The following LONP2 variants were observed in gnomAD, a reference collection of about 807,000 sequenced individuals.
LONP2 encodes lon peptidase 2, peroxisomal, also known as lon protease homolog 2, peroxisomal.
LONP2 carries 60 observed loss-of-function variants against 85.6 expected under a neutral mutation model. That is an observed-to-expected ratio of 0.70 (90% confidence interval 0.57 to 0.87). LONP2 has a LOEUF of 0.87. LONP2 is among the 40% of genes least tolerant of loss of function. The pLI, the probability that LONP2 is intolerant of heterozygous loss-of-function variation, is 0.00. For synonymous variants in LONP2, 395 were observed against 389.7 expected (o/e 1.01, Z -0.16); for missense variants, 860 against 1,063.5 (o/e 0.81, Z 2.66).
At chr16:48,289,561 T>C (rs2150990633) in intron 8 of LONP2, among the ~76,000 whole-genome samples, 1 of 152,334 alleles carries the variant, frequency 6.6e-6, no homozygotes, top group East Asian at 1.9e-4. Flanking sequence ...AGTCTGGTGA[T>C]TTTGGGGGCC....
chr16:48,277,259 C>A, intron 7 of LONP2, 79 bp from the exon 8 acceptor site: 1 of 1,396,202 alleles, frequency 7.2e-7, no homozygotes, highest in Non-Finnish European at 9.9e-7. Context: ...TTTTCACATT[C>A]CTAAGTTTTG....
chr16:48,256,509 A>T, intron 2 of LONP2, 101 bp from the exon 3 acceptor site: 1 of 1,265,346 alleles, frequency 7.9e-7, no homozygotes, highest in Non-Finnish European at 1.1e-6. Context: ...TTCAAAAACA[A>T]AGACTGAGGC....
At chr16:48,299,089 G>A (rs753658490) in intron 9 of LONP2, among the ~76,000 whole-genome samples, 5 of 151,032 alleles carry the variant, frequency 3.3e-5, no homozygotes, top group South Asian at 2.1e-4. Flanking sequence ...ACAGGGTTTC[G>A]CCATGTTGCC....
chr16:48,297,930 C>T (rs775480993), intron 9 of LONP2, among the ~76,000 whole-genome samples: 2 of 152,204 alleles, frequency 1.3e-5, no homozygotes, highest in Non-Finnish European at 2.9e-5. Flanking sequence ...AATGTCTTGA[C>T]CTCATGATCC....
intron 11 of LONP2, among the ~76,000 whole-genome samples, chr16:48,304,577 G>A (rs775478787): frequency 2.6e-5 from 4 of 152,186 alleles, no homozygotes; most frequent in Middle Eastern, 6.8e-3. Context: ...GGTGTTGGGC[G>A]CCTGTAGTCC....
At chr16:48,351,497 A>C in intron 14 of LONP2, 84 bp from the exon 15 acceptor site, 1 of 1,047,752 alleles carries the variant, frequency 9.5e-7, no homozygotes, top group African/African-American at 1.6e-5. Context: ...GTAGTGGTTA[A>C]ATTCAGTGAA....
rs892888055 is a variant in LONP2 at position 48,352,642 on chromosome 16, A to T, written c.*840A>T. 1 of 152,162 alleles carries T rather than the reference A, an allele frequency of 6.6e-6. No homozygotes were observed. The highest frequency in any genetic ancestry group is 2.4e-5 in the African/African-American group (1 of 41,408). The allele number at this position is 152,162 out of a possible 1,614,324, so 9.4% of individuals were successfully genotyped here. On this transcript the variant is annotated 3_prime_UTR_variant, in exon 15 of 15. Coordinates refer to ENST00000285737, the MANE Select transcript of LONP2 (RefSeq NM_031490.5). ...GAGCGAGACTGTCTCTAAAAAAAAAAGACTCAAGTGGACCCTACAATGAAG... is the reference window on the plus strand; with the variant it reads ...GAGCGAGACTGTCTCTAAAAAAAAATGACTCAAGTGGACCCTACAATGAAG...
chr16:48,258,844 G>T, intron 4 of LONP2, 104 bp downstream of exon 4: 1 of 1,073,662 alleles, frequency 9.3e-7, no homozygotes, highest in East Asian at 2.9e-5. Context: ...TCGCACTACT[G>T]ATAAAATTTA....
rs1972761109 is a variant in LONP2 at position 48,299,696 on chromosome 16, T to C, written c.1569T>C (p.His523=). ...YTQEEKIEIA[H]RHLIPKQLEQ... ...AGGAGGAGAAGATAGAGATTGCCCA[T>C]AGGCACTTGATCCCCAAGCAGCTGG... The change falls in exon 10 of 15, where the codon CAT becomes CAC. Residue 523 remains histidine (H), a synonymous_variant. Transcript: ENST00000285737. 4.3e-6 allele frequency: 7 copies of C among 1,613,864 alleles called. No homozygotes were observed. The highest frequency in any genetic ancestry group is 5.9e-6 in the Non-Finnish European group (7 of 1,179,910).
chr16:48,303,914 C>G (rs1333936817), intron 11 of LONP2, among the ~76,000 whole-genome samples: 2 of 152,228 alleles, frequency 1.3e-5, no homozygotes, highest in African/African-American at 4.8e-5. Flanking sequence ...CTGCTTTATT[C>G]TAGCCATGCT....
intron 11 of LONP2, among the ~76,000 whole-genome samples, chr16:48,304,496 G>A (rs1972871148): frequency 6.6e-6 from 1 of 152,040 alleles, no homozygotes; most frequent in South Asian, 2.1e-4. Flanking sequence ...TTGAGGTCAG[G>A]AGTTTGAGAC....
intron 8 of LONP2, among the ~76,000 whole-genome samples, chr16:48,294,269 T>A (rs1972621912): frequency 6.6e-6 from 1 of 152,120 alleles, no homozygotes; most frequent in East Asian, 1.9e-4. Context: ...GATTAGTAGA[T>A]AGTAAGACCA....
At chr16:48,305,901 G>A (rs1336044670) in intron 11 of LONP2, among the ~76,000 whole-genome samples, 1 of 152,084 alleles carries the variant, frequency 6.6e-6, no homozygotes, top group Non-Finnish European at 1.5e-5. Flanking sequence ...ATTCAGACAG[G>A]AAGTAAAAAC....
rs1971238192 is a variant in LONP2, at chr16:48,244,605, C to T, written c.217C>T (p.Leu73=). 1.4e-6 allele frequency: 2 copies of T among 1,478,302 alleles called. No individual in the cohort carries two copies. Among genetic ancestry groups the T allele is most frequent in the South Asian group, 1.3e-5 (1 of 77,112 alleles). The allele number at this position is 1,478,302 out of a possible 1,614,324, so 91.6% of individuals were successfully genotyped here. A position where few individuals can be genotyped will look rare whatever the true frequency, so the allele number is the denominator to read the frequency against. The part of the protein sequence containing the change: ...TPDPASDAQD[L]PPLHRIGTAA... ...TGACCCCGCCAGCGACGCGCAGGAC[C>T]TGCCGCCGCTGCACAGGTAGGCCTG... Residue 73 remains leucine, a synonymous_variant, in exon 1 of 15, where the codon CTG becomes TTG. Transcript: ENST00000285737.
At chr16:48,292,611 A>C (rs1369130889) in intron 8 of LONP2, among the ~76,000 whole-genome samples, 7 of 152,240 alleles carry the variant, frequency 4.6e-5, no homozygotes, top group African/African-American at 1.4e-4. Context: ...TACAAAGTAA[A>C]CTGCAGCCTA....
chr16:48,338,699 G>A (rs1397963081), intron 12 of LONP2, among the ~76,000 whole-genome samples: 3 of 152,124 alleles, frequency 2.0e-5, no homozygotes, highest in African/African-American at 7.2e-5. Flanking sequence ...CTTGAGTCTG[G>A]GAGTTCAAGA....
At chr16:48,254,393 T>C (rs1012959268) in intron 2 of LONP2, among the ~76,000 whole-genome samples, 3 of 151,592 alleles carry the variant, frequency 2.0e-5, no homozygotes, top group Admixed American at 2.0e-4. Flanking sequence ...AAATGGAGTC[T>C]TGCCCTGTTG....
At chr16:48,299,567 G>C (rs1459263631) in intron 9 of LONP2, 95 bp from the exon 10 acceptor site, 1 of 1,380,646 alleles carries the variant, frequency 7.2e-7, no homozygotes, top group Non-Finnish European at 9.9e-7. Flanking sequence ...GGGCGACAGA[G>C]CAAGACTCTG....
chr16:48,259,156 T>G (rs1971824753), intron 4 of LONP2, among the ~76,000 whole-genome samples: 1 of 152,234 alleles, frequency 6.6e-6, no homozygotes, highest in South Asian at 2.1e-4. Context: ...CCATTTTTAT[T>G]TAGTCAAACT....
Sources: gnomAD v4.1 joint callset for allele counts (sites outside exome capture counted in the v4.1 genomes callset) on GRCh38, gnomAD v4.1.1 for gene constraint, MANE v1.5 for transcripts, NCBI Gene and HGNC (gene_info 2026-07-23, HGNC 2026-07-21) for gene names.